DNAJC12: variants seen among roughly 807,000 people sequenced by gnomAD.
The protein encoded by DNAJC12 is dnaJ homolog subfamily C member 12.
A neutral mutation model predicts 28.5 loss-of-function variants in DNAJC12; 25 were observed. The ratio of observed to expected loss-of-function variants is 0.88; its 90% CI spans 0.64 to 1.22. The LOEUF (loss-of-function observed/expected upper bound fraction) is 1.22. Among genes scored for constraint, DNAJC12 ranks in the 50% most tolerant of loss-of-function variants. The pLI is 0.00. For synonymous variants in DNAJC12, 77 were observed against 80.6 expected (o/e 0.95, Z 0.24); for missense variants, 222 against 231.7 (o/e 0.96, Z 0.27).
At chr10:67,827,125 G>A (rs1438683625) in intron 1 of DNAJC12, among the ~76,000 whole-genome samples, 2 of 151,724 alleles carry the variant, frequency 1.3e-5, no homozygotes, top group Admixed American at 6.6e-5. Flanking sequence ...GGTGGCTCAC[G>A]CCTGTAATCC....
intron 1 of DNAJC12, among the ~76,000 whole-genome samples, chr10:67,828,657 T>TCTCA (rs1842061018): frequency 1.1e-4 from 1 of 9,280 alleles, no homozygotes; most frequent in Non-Finnish European, 1.5e-3. Context: ...TATTCTATTT[T>TCTCA]CTCTCTCTCT....
chr10:67,801,076 G>C (rs1222697164), intron 4 of DNAJC12, among the ~76,000 whole-genome samples: 2 of 151,982 alleles, frequency 1.3e-5, no homozygotes, highest in African/African-American at 2.4e-5. Flanking sequence ...AGATTGTCTC[G>C]CACAGTGGTT....
At chr10:67,809,466 T>C (rs546118885) in intron 3 of DNAJC12, among the ~76,000 whole-genome samples, 1 of 152,314 alleles carries the variant, frequency 6.6e-6, no homozygotes, top group African/African-American at 2.4e-5. Context: ...ACATATTCAT[T>C]GACCTGGGTG....
intron 4 of DNAJC12, among the ~76,000 whole-genome samples, chr10:67,802,305 C>T (rs900819819): frequency 1.3e-5 from 2 of 152,064 alleles, no homozygotes; most frequent in Non-Finnish European, 2.9e-5. Context: ...AAATTAGAGC[C>T]GAGAACCAGG....
chr10:67,812,485 G>A (rs1162315211), intron 2 of DNAJC12, among the ~76,000 whole-genome samples: 1 of 152,122 alleles, frequency 6.6e-6, no homozygotes, highest in Admixed American at 6.5e-5. Flanking sequence ...GGCTCTGTTA[G>A]AAACACCTCC....
Position 67,815,779 on chromosome 10 carries a change from G to C in DNAJC12, c.158-4116C>G, listed in dbSNP as rs114621888. Among the ~76,000 whole-genome samples the C allele has an allele frequency of 5.3e-3, 810 of 152,282 alleles. 7 individuals are homozygous for C. Among genetic ancestry groups the C allele is most frequent in the African/African-American group, 0.018 (767 of 41,558 alleles). On this transcript the variant is annotated intron_variant, in intron 2 of 4. Transcript: ENST00000225171. ...TGTAAAGATTTATGTATTTATCTGT[G>C]AGTCACCTTCTCTTTTCACATCATT...
chr10:67,810,817 T>A (rs752194720), intron 3 of DNAJC12: 1 of 152,206 alleles, frequency 6.6e-6, no homozygotes, highest in African/African-American at 2.4e-5. Flanking sequence ...CCCTGAAAAC[T>A]TACCTATGAG....
intron 1 of DNAJC12, among the ~76,000 whole-genome samples, chr10:67,826,900 T>C (rs1842041474): frequency 1.4e-5 from 2 of 140,550 alleles, no homozygotes; most frequent in Admixed American, 1.5e-4. Context: ...ATCTATTATA[T>C]GTCATTATAT....
rs1045266655 is a variant in DNAJC12, at chr10:67,826,572, T to A, written c.79-3180A>T. Among the ~76,000 whole-genome samples the A allele has an allele frequency of 4.1e-4, 57 of 139,994 alleles. 1 individual carries two copies. In the East Asian group the frequency reaches 8.9e-3, roughly 22 times the overall value. 91.8% of individuals were successfully genotyped at this position (139,994 alleles called of 152,430 possible). The stretch of plus-strand genomic sequence containing the variant: ...TATATAAGATATCTAATAATATATA[T>A]AATATATATCATCTAATGATATATA... On this transcript the variant is annotated intron_variant, in intron 1 of 4. Coordinates refer to ENST00000225171, the MANE Select transcript of DNAJC12 (RefSeq NM_021800.3).
At chr10:67,801,764 T>C (rs1841746807) in intron 4 of DNAJC12, among the ~76,000 whole-genome samples, 1 of 132,826 alleles carries the variant, frequency 7.5e-6, no homozygotes, top group African/African-American at 2.8e-5. Context: ...CACTCCAGCC[T>C]GGGCAACAAG....
At chr10:67,822,667 C>T (rs1841991943) in intron 2 of DNAJC12, among the ~76,000 whole-genome samples, 1 of 151,944 alleles carries the variant, frequency 6.6e-6, no homozygotes, top group Non-Finnish European at 1.5e-5. Context: ...ATATTCAGGT[C>T]CCCAGTAATG....
At chr10:67,828,643 TA>T (rs1202517714) in intron 1 of DNAJC12, among the ~76,000 whole-genome samples, 1 of 144,648 alleles carries the variant, frequency 6.9e-6, no homozygotes, top group Non-Finnish European at 1.5e-5. Context: ...TTTAAAGTGT[TA>T]AATATTCTAT....
At chr10:67,818,564 A>C (rs1841938543) in intron 2 of DNAJC12, among the ~76,000 whole-genome samples, 1 of 152,240 alleles carries the variant, frequency 6.6e-6, no homozygotes, top group Non-Finnish European at 1.5e-5. Context: ...TGTCAGGGAC[A>C]GAGAAACAAC....
chr10:67,811,126 A>T (rs1033986620), intron 3 of DNAJC12: 1 of 244,134 alleles, frequency 4.1e-6, no homozygotes, highest in Non-Finnish European at 6.7e-6. Flanking sequence ...TTTAATGAAA[A>T]TTCTAAGCCT....
In DNAJC12 at chr10:67,797,230, A is replaced by C. The variant is rs755773449; in HGVS notation, c.503-20T>G. ...CAAAACCTTTAAAGGAAAGAAAGTA[A>C]ATATTTAAAATCAGAAGTAGGAAAA... is the stretch of plus-strand genomic sequence containing the variant. On this transcript the variant is annotated intron_variant, in intron 4 of 4. Transcript: ENST00000225171. 6.2e-7 allele frequency: 1 copy of C among 1,601,744 alleles called. No individual in the cohort carries two copies. Among genetic ancestry groups the C allele is most frequent in the South Asian group, 1.1e-5 (1 of 89,528 alleles).
chr10:67,823,953 C>T (rs1262163974), intron 1 of DNAJC12, among the ~76,000 whole-genome samples: 1 of 151,776 alleles, frequency 6.6e-6, no homozygotes, highest in Non-Finnish European at 1.5e-5. Context: ...ATTTAAATAT[C>T]CAGTCCAGAC....
intron 3 of DNAJC12, among the ~76,000 whole-genome samples, chr10:67,809,129 T>C (rs1261843082): frequency 6.6e-6 from 1 of 152,232 alleles, no homozygotes; most frequent in African/African-American, 2.4e-5. Flanking sequence ...TTTACAGCAA[T>C]TGAAGTGGCA....
chr10:67,807,053 A>C (rs1841809854), intron 3 of DNAJC12, among the ~76,000 whole-genome samples: 1 of 152,094 alleles, frequency 6.6e-6, no homozygotes, highest in Non-Finnish European at 1.5e-5. Flanking sequence ...CAAGGTCAGG[A>C]GTTCCAAACC....
intron 4 of DNAJC12, among the ~76,000 whole-genome samples, chr10:67,799,785 AG>A (rs1404525122): frequency 2.6e-5 from 4 of 151,368 alleles, no homozygotes; most frequent in African/African-American, 9.7e-5. Flanking sequence ...CAGGAGGCTG[AG>A]GCAGGAGAAT....
Sources: allele counts gnomAD v4.1 joint callset (sites outside exome capture counted in the v4.1 genomes callset), GRCh38; gene constraint gnomAD v4.1.1; transcripts MANE v1.5; gene names NCBI Gene and HGNC (gene_info 2026-07-23, HGNC 2026-07-21).